Variants in IGSF9 observed in about 807,000 individuals in gnomAD.
The protein encoded by IGSF9 is protein turtle homolog A.
A neutral mutation model predicts 121.7 loss-of-function variants in IGSF9; 87 were observed. That is an observed-to-expected ratio of 0.71 (90% CI 0.60 to 0.85). The LOEUF (loss-of-function observed/expected upper bound fraction) is 0.85. Among genes scored for constraint, IGSF9 ranks in the 40% least tolerant of loss-of-function variants. IGSF9 has a pLI of 0.00. For missense variants in IGSF9, 1,462 were observed against 1,565.3 expected, an observed-to-expected ratio of 0.93 and a Z score of 1.11; for synonymous variants, 640 against 648.4, an observed-to-expected ratio of 0.99 and a Z score of 0.20.
chr1:159,937,668 T>A lies in IGSF9; in HGVS notation c.400+18A>T. The A allele has an allele frequency of 1.9e-6, 3 of 1,603,042 alleles. No homozygotes were observed. The highest frequency in any genetic ancestry group is 2.6e-6 in the Non-Finnish European group (3 of 1,171,112). The stretch of plus-strand genomic sequence containing the variant: ...CTCCTCCCCGTCCTTCTCCACCACC[T>A]GCCCCCCAGCTTCATACAATTGACT... On this transcript the variant is annotated intron_variant, in intron 4 of 20. Coordinates refer to ENST00000368094, the MANE Select transcript of IGSF9 (RefSeq NM_001135050.2).
intron 6 of IGSF9, among the ~76,000 whole-genome samples, chr1:159,935,789 G>T (rs1651161630): frequency 6.6e-6 from 1 of 152,210 alleles, no homozygotes; most frequent in African/African-American, 2.4e-5. Flanking sequence ...TGAGGTGATT[G>T]CCCAAGGACA....
Position 159,943,024 on chromosome 1 carries a change from G to A in IGSF9, c.186C>T (p.Phe62=). 1.2e-6 allele frequency: 2 copies of A among 1,613,362 alleles called. No homozygotes were observed. The highest frequency in any genetic ancestry group is 1.7e-6 in the Non-Finnish European group (2 of 1,179,650). The change falls in exon 3 of 21, where the codon TTC becomes TTT. Residue 62 remains phenylalanine (F), a synonymous_variant. Transcript: ENST00000368094. ...LHVIEWLRFG[F]LLPIFIQFGL... ...CGAACTGGATGAAGATGGGAAGCAGGAATCCAAAGCGCAGCCACTCGATGA... is the reference window on the plus strand; with the variant it reads ...CGAACTGGATGAAGATGGGAAGCAGAAATCCAAAGCGCAGCCACTCGATGA...
intron 3 of IGSF9, among the ~76,000 whole-genome samples, chr1:159,940,845 C>T (rs558149806): frequency 3.3e-5 from 5 of 152,150 alleles, no homozygotes; most frequent in South Asian, 4.1e-4. Flanking sequence ...TCTTGAAAAT[C>T]CCAAGAAATA....
intron 3 of IGSF9, among the ~76,000 whole-genome samples, chr1:159,940,153 G>A (rs2101882425): frequency 6.6e-6 from 1 of 152,356 alleles, no homozygotes; most frequent in South Asian, 2.1e-4. Context: ...TGGCTAGTAA[G>A]TGACAAAGCC....
At chr1:159,935,024 A>G (rs1651137059) in intron 6 of IGSF9, among the ~76,000 whole-genome samples, 1 of 152,126 alleles carries the variant, frequency 6.6e-6, no homozygotes, top group Non-Finnish European at 1.5e-5. Flanking sequence ...TTCTTTCCAA[A>G]TTCTCTCTGT....
At chr1:159,929,581 G>A in intron 17 of IGSF9, 57 bp downstream of exon 17, 2 of 1,545,394 alleles carry the variant, frequency 1.3e-6, no homozygotes, top group South Asian at 2.4e-5. Flanking sequence ...GGTAGGAGGG[G>A]CTTAAGGAGG....
chr1:159,936,299 C>A, intron 6 of IGSF9, 100 bp downstream of exon 6: 1 of 1,071,828 alleles, frequency 9.3e-7, no homozygotes. Context: ...TGCCCTCAGG[C>A]ACAAATCTCC....
chr1:159,927,512 C>T lies in IGSF9; in HGVS notation c.3373G>A (p.Glu1125Lys), dbSNP rs749701892. The T allele has an allele frequency of 5.0e-6, 8 of 1,612,798 alleles. No homozygotes were observed. Among genetic ancestry groups the T allele is most frequent in the Non-Finnish European group, 5.9e-6 (7 of 1,179,012 alleles). ...AEPELGVKTP[E>K]EGCLLNTAHV... The stretch of plus-strand genomic sequence containing the variant: ...GCAGTGTTCAGGAGGCAGCCCTCCT[C>T]TGGAGTCTTCACACCTGCAAGAGGC... Residue 1125 changes from glutamate (E) to lysine (K), a missense_variant, in exon 21 of 21, where the codon GAG becomes AAG. Physicochemically the swap from Glu to Lys is moderately conservative, Grantham distance 56 (BLOSUM62 1). Transcript: ENST00000368094.
At position 159,931,347 on chromosome 1, in the gene IGSF9, CCAT is replaced by C. The variant is rs1285940695; in HGVS notation, c.1514-89_1514-87del. The C allele has an allele frequency of 2.5e-6, 4 of 1,599,360 alleles. No homozygotes were observed. In the East Asian group the frequency reaches 6.7e-5, roughly 27 times the overall value. On this transcript the variant is annotated intron_variant, in intron 12 of 20. Coordinates refer to ENST00000368094, the MANE Select transcript of IGSF9 (RefSeq NM_001135050.2). This position sits in a 1 kb window ranked among gnomAD's most constrained non-coding sequence, Gnocchi z 4.8. Reference sequence around the variant, plus strand: ...GGGCCCCAGGGCCACTGACCTTCACCCATCATCATCCCAGGGGTCCCACACCCA... The same window carrying C: ...GGGCCCCAGGGCCACTGACCTTCACCCATCATCCCAGGGGTCCCACACCCA...
At position 159,930,370 on chromosome 1, in the gene IGSF9, C is replaced by T. The variant is rs928432972; in HGVS notation, c.1883G>A (p.Arg628Gln). 3 of 1,597,834 alleles carry T rather than the reference C, an allele frequency of 1.9e-6. No homozygotes were observed. Among genetic ancestry groups the T allele is most frequent in the African/African-American group, 2.7e-5 (2 of 74,328 alleles). Residue 628 changes from arginine (R) to glutamine (Q), a missense_variant, in exon 15 of 21, where the codon CGG (arginine) becomes CAG (glutamine). By Grantham distance (43) the Arg-to-Gln change is conservative. This residue lies in a region of IGSF9 where 808 missense variants were observed against 815.2 expected (regional missense o/e 0.99). Transcript: ENST00000368094. ...GGGTGTCCTCACTGCCACCAGACCC[C>T]GCGGAGGGGACAGGGGAGGCGGTAT... ...TEIPPPLSPP[R>Q]GLVAVRTPRG...
At chr1:159,936,705 CT>C in intron 5 of IGSF9, 48 bp downstream of exon 5, 2 of 1,599,290 alleles carry the variant, frequency 1.3e-6, no homozygotes, top group Non-Finnish European at 1.7e-6. Context: ...AGGCCCCCAC[CT>C]TCCCTTCACA....
At chr1:159,936,682 T>TGGCCCCACTGCCA in intron 5 of IGSF9, 72 bp downstream of exon 5, 3 of 1,579,206 alleles carry the variant, frequency 1.9e-6, no homozygotes, top group East Asian at 2.2e-5. Flanking sequence ...CTCTGTCCTC[T>TGGCCCCACTGCCA]GGCCCCACTG....
chr1:159,945,031 T>C (rs2101886183), intron 1 of IGSF9, among the ~76,000 whole-genome samples: 1 of 151,648 alleles, frequency 6.6e-6, no homozygotes, highest in African/African-American at 2.4e-5. Flanking sequence ...CTCCACTATT[T>C]CCTCACCCTT....
intron 3 of IGSF9, among the ~76,000 whole-genome samples, chr1:159,941,209 CA>C (rs1355217599): frequency 2.0e-5 from 3 of 152,310 alleles, no homozygotes; most frequent in African/African-American, 7.2e-5. Context: ...CCACCAGCCC[CA>C]CAACAGTCCC....
Position 159,934,292 on chromosome 1 carries a change from C to A in IGSF9, c.1002G>T (p.Leu334=), listed in dbSNP as rs752453500. 3 of 1,610,878 alleles carry A rather than the reference C, an allele frequency of 1.9e-6. No individual in the cohort carries two copies. The highest frequency in any genetic ancestry group is 2.5e-6 in the Non-Finnish European group (3 of 1,178,506). ...GGATCACCCCCGGCATGCCTATGGGCAGGGGTGTCTCAGGAGGCATAGCTG... is the reference window on the plus strand; with the variant it reads ...GGATCACCCCCGGCATGCCTATGGGAAGGGGTGTCTCAGGAGGCATAGCTG... ...QVTAMPPETP[L]PIGMPGVIRC... Residue 334 remains leucine (L), a synonymous_variant, in exon 9 of 21, where the codon CTG becomes CTT. Transcript: ENST00000368094.
At position 159,943,124 on chromosome 1, in the gene IGSF9, A is replaced by G; in HGVS notation, c.86T>C (p.Val29Ala). The G allele has an allele frequency of 6.3e-7, 1 of 1,597,098 alleles. No homozygotes were observed. Among genetic ancestry groups the G allele is most frequent in the South Asian group, 1.1e-5 (1 of 88,674 alleles). ...CACACTCTCCCCAGCCCGGCCCACC[A>G]CCGATACCACCTCAGGCTTCCCTCG... ...DGRGKPEVVSVVGRAGESVVL... is the reference protein window; with the variant it reads ...DGRGKPEVVSAVGRAGESVVL... The change falls in exon 3 of 21, where the codon GTG becomes GCG. Residue 29 changes from valine to alanine, a missense_variant. Physicochemically the swap from Val to Ala is moderately conservative, Grantham distance 64. Transcript: ENST00000368094.
rs572524844 is a variant in IGSF9 at position 159,938,348 on chromosome 1, C to A, written c.248-510G>T. On this transcript the variant is annotated intron_variant, in intron 3 of 20. Coordinates refer to ENST00000368094, the MANE Select transcript of IGSF9 (RefSeq NM_001135050.2). ...GCCCCTAATCCCTCAGGGCTATTAT[C>A]AGCAGCCTAAGCGCCTTAGGGTGGC... is the stretch of plus-strand genomic sequence containing the variant. Among the ~76,000 whole-genome samples, 39 of 152,330 alleles carry A rather than the reference C, an allele frequency of 2.6e-4. No individual in the cohort carries two copies. The South Asian group carries it at 8.1e-3, about 32-fold the overall frequency.
At position 159,943,060 on chromosome 1, in the gene IGSF9, G is replaced by T. The variant is rs747224081; in HGVS notation, c.150C>A (p.Pro50=). 15 of 1,613,098 alleles carry T rather than the reference G, an allele frequency of 9.3e-6. No individual in the cohort carries two copies. The highest frequency in any genetic ancestry group is 1.1e-5 in the Non-Finnish European group (13 of 1,179,622). The change falls in exon 3 of 21, where the codon CCC becomes CCA. Residue 50 remains proline (P), a synonymous_variant. Transcript: ENST00000368094. The part of the protein sequence containing the change: ...GCDLLPPAGR[P]PLHVIEWLRF... ...GCAGCCACTCGATGACATGCAGGGG[G>T]GGCCGGCCGGCCGGGGGCAGCAGGT...
chr1:159,939,899 T>C (rs1651320640), intron 3 of IGSF9, among the ~76,000 whole-genome samples: 1 of 152,144 alleles, frequency 6.6e-6, no homozygotes, highest in Admixed American at 6.5e-5. Context: ...TTCCACCCAC[T>C]GTCAGGATTC....
Sources: gnomAD v4.1 joint callset for allele counts (sites outside exome capture counted in the v4.1 genomes callset) on GRCh38, gnomAD v4.1.1 for gene constraint, gnomAD v4.1.1 regional missense constraint, Gnocchi (gnomAD v3.1) non-coding constraint, MANE v1.5 for transcripts, NCBI Gene and HGNC (gene_info 2026-07-23, HGNC 2026-07-21) for gene names.